Variants in FANCC observed in about 807,000 individuals in gnomAD.
The protein encoded by FANCC is Fanconi anemia group C protein.
FANCC carries 55 observed loss-of-function variants against 71.3 expected under a neutral mutation model. The ratio of observed to expected loss-of-function variants is 0.77; its 90% confidence interval spans 0.62 to 0.97. FANCC has a LOEUF of 0.97. Among genes scored for constraint, FANCC ranks in the 50% least tolerant of loss-of-function variants. The probability of loss-of-function intolerance (pLI) is 0.00; values close to 1 mark genes in which losing one functional copy is unlikely to be tolerated. For synonymous variants in FANCC, 275 were observed against 244.9 expected (o/e 1.12, Z -1.15); for missense variants, 678 against 670.9 (o/e 1.01, Z -0.12).
At chr9:95,214,207 T>C (rs1426851647) in intron 4 of FANCC, among the ~76,000 whole-genome samples, 1 of 152,166 alleles carries the variant, frequency 6.6e-6, no homozygotes, top group Non-Finnish European at 1.5e-5. Flanking sequence ...GCAGGAGGAC[T>C]GCTTAAAGCC....
At chr9:95,165,167 T>C (rs891011518) in intron 6 of FANCC, among the ~76,000 whole-genome samples, 9 of 151,910 alleles carry the variant, frequency 5.9e-5, no homozygotes, top group Admixed American at 2.6e-4. Flanking sequence ...TTCTCTTTTT[T>C]TTTCTTAGTC....
At chr9:95,240,047 A>G (rs1830545357) in intron 4 of FANCC, among the ~76,000 whole-genome samples, 1 of 152,172 alleles carries the variant, frequency 6.6e-6, no homozygotes, top group African/African-American at 2.4e-5. Flanking sequence ...CCTTATGCCT[A>G]CCCTTCAGGA....
intron 1 of FANCC, among the ~76,000 whole-genome samples, chr9:95,286,692 G>C (rs1467733890): frequency 6.6e-6 from 1 of 152,152 alleles, no homozygotes; most frequent in Admixed American, 6.5e-5. Context: ...CAAACCAGAA[G>C]AGTCTCGAGG....
chr9:95,268,045 G>C (rs1272237369), intron 1 of FANCC, among the ~76,000 whole-genome samples: 1 of 152,204 alleles, frequency 6.6e-6, no homozygotes, highest in Non-Finnish European at 1.5e-5. Flanking sequence ...CATCACAGGT[G>C]ACTGAATGGG....
At chr9:95,254,101 T>C (rs1831515407) in intron 1 of FANCC, among the ~76,000 whole-genome samples, 1 of 152,158 alleles carries the variant, frequency 6.6e-6, no homozygotes, top group Non-Finnish European at 1.5e-5. Flanking sequence ...GAAAGGAAGA[T>C]GTGCTATTGG....
At chr9:95,236,988 C>A (rs940031262) in intron 4 of FANCC, among the ~76,000 whole-genome samples, 6 of 152,158 alleles carry the variant, frequency 3.9e-5, no homozygotes, top group Non-Finnish European at 8.8e-5. Context: ...AGACTATCTT[C>A]TATCTTGCTG....
chr9:95,107,632 A>G (rs2071556116), intron 13 of FANCC: 1 of 399,064 alleles, frequency 2.5e-6, no homozygotes, highest in Admixed American at 3.9e-5. Flanking sequence ...CCACAAATCA[A>G]TTAAAGCCCC....
intron 1 of FANCC, among the ~76,000 whole-genome samples, chr9:95,306,694 T>C (rs376851755): frequency 2.0e-4 from 30 of 152,210 alleles, no homozygotes; most frequent in African/African-American, 7.2e-4. Flanking sequence ...CTTTTGATTA[T>C]TGAAAAGGTT....
rs1340925668 is a variant in FANCC at position 95,183,134 on chromosome 9, T to G, written c.346-10987A>C. Among the ~76,000 whole-genome samples the G allele has an allele frequency of 2.0e-5, 3 of 151,668 alleles. No individual in the cohort carries two copies. In the East Asian group the frequency reaches 5.8e-4, roughly 29 times the overall value. On this transcript the variant is annotated intron_variant, in intron 4 of 14. Coordinates refer to ENST00000289081, the MANE Select transcript of FANCC (RefSeq NM_000136.3). ...CCTTCTTCTGAGAAACCCAACAACC[T>G]CCCCGCCCCCATCTCTAGCTGCCAA...
intron 1 of FANCC, among the ~76,000 whole-genome samples, chr9:95,249,585 G>A (rs1160791445): frequency 6.6e-6 from 1 of 152,126 alleles, no homozygotes; most frequent in African/African-American, 2.4e-5. Flanking sequence ...TAGGCTAGAA[G>A]TCTTTATACC....
intron 7 of FANCC, among the ~76,000 whole-genome samples, chr9:95,144,213 C>T (rs1829195553): frequency 1.3e-5 from 2 of 152,206 alleles, no homozygotes; most frequent in Non-Finnish European, 2.9e-5. Flanking sequence ...CTGGGATGTT[C>T]CGCCTACGGG....
At chr9:95,272,925 T>A (rs906559954) in intron 1 of FANCC, among the ~76,000 whole-genome samples, 29 of 152,110 alleles carry the variant, frequency 1.9e-4, no homozygotes, top group African/African-American at 6.5e-4. Flanking sequence ...AGCATAACTC[T>A]TCACTGTCCG....
At chr9:95,227,792 A>C (rs956332097) in intron 4 of FANCC, among the ~76,000 whole-genome samples, 6 of 152,164 alleles carry the variant, frequency 3.9e-5, no homozygotes, top group Non-Finnish European at 7.3e-5. Context: ...CTAACATTTG[A>C]TTAATGAGAT....
intron 4 of FANCC, among the ~76,000 whole-genome samples, chr9:95,180,446 C>A (rs1186701679): frequency 2.1e-5 from 3 of 145,352 alleles, no homozygotes; most frequent in African/African-American, 2.5e-5. Context: ...TTCAAGCAAT[C>A]TTCCCGCCTC....
intron 1 of FANCC, among the ~76,000 whole-genome samples, chr9:95,267,281 G>A (rs1208466016): frequency 6.6e-6 from 1 of 152,146 alleles, no homozygotes; most frequent in Non-Finnish European, 1.5e-5. Context: ...CAGCATCCTT[G>A]CCTCCTATGG....
chr9:95,252,489 G>A (rs1461995723), intron 1 of FANCC, among the ~76,000 whole-genome samples: 1 of 152,028 alleles, frequency 6.6e-6, no homozygotes, highest in Non-Finnish European at 1.5e-5. Flanking sequence ...GCTCACGCCT[G>A]TAATCCCAGC....
chr9:95,128,185 AG>A (rs1420510863), intron 8 of FANCC, among the ~76,000 whole-genome samples: 20 of 152,234 alleles, frequency 1.3e-4, no homozygotes, highest in Non-Finnish European at 2.9e-5. Flanking sequence ...ACCGGATATA[AG>A]CACGGAAAAT....
intron 8 of FANCC, chr9:95,127,418 G>C (rs1201145717): frequency 6.6e-6 from 1 of 152,242 alleles, no homozygotes; most frequent in Non-Finnish European, 1.5e-5. Context: ...AGACCGGGAG[G>C]GGGAGATGGT....
chr9:95,278,439 T>C (rs1194352869), intron 1 of FANCC, among the ~76,000 whole-genome samples: 3 of 152,032 alleles, frequency 2.0e-5, no homozygotes, highest in African/African-American at 7.2e-5. Flanking sequence ...ATCGAGAAAA[T>C]AGAACACTTG....
Sources: gnomAD v4.1 joint callset for allele counts (sites outside exome capture counted in the v4.1 genomes callset) on GRCh38, gnomAD v4.1.1 for gene constraint, MANE v1.5 for transcripts, NCBI Gene and HGNC (gene_info 2026-07-23, HGNC 2026-07-21) for gene names.